The following ATP1A3 variants were observed in gnomAD, a reference collection of about 807,000 sequenced individuals.
ATP1A3 encodes the protein ATPase Na+/K+ transporting subunit alpha 3, also known as sodium/potassium-transporting ATPase subunit alpha-3.
A neutral mutation model predicts 108.8 loss-of-function variants in ATP1A3; 12 were observed. The observed-to-expected ratio is 0.11, with a 90% confidence interval of 0.07 to 0.18. The LOEUF (loss-of-function observed/expected upper bound fraction) is 0.18, where lower values mean the gene tolerates loss of function less well. Ranked by LOEUF, ATP1A3 falls within the 10% of genes least tolerant of loss-of-function variation. ATP1A3 has a pLI of 1.00. For synonymous variants in ATP1A3, 539 were observed against 564.5 expected (o/e 0.95, Z 0.64); for missense variants, 498 against 1,387.7 (o/e 0.36, Z 10.19).
intron 15 of ATP1A3, 133 bp from the exon 16 acceptor site, chr19:41,975,930 C>T (rs980225682): frequency 5.7e-5 from 72 of 1,262,372 alleles, no homozygotes; most frequent in Non-Finnish European, 7.5e-5. Flanking sequence ...CTCCTCTTCC[C>T]CTCAGACCTA....
chr19:41,970,145 G>A (rs781852431), intron 18 of ATP1A3, 40 bp downstream of exon 18: 63 of 1,614,018 alleles, frequency 3.9e-5, no homozygotes, highest in South Asian at 3.1e-4. Context: ...CTCTAGGCCC[G>A]GCACTGGGTG....
chr19:41,989,493 G>A (rs1555866645), intron 1 of ATP1A3, among the ~76,000 whole-genome samples: 1 of 151,860 alleles, frequency 6.6e-6, no homozygotes, highest in Non-Finnish European at 1.5e-5. Flanking sequence ...TCATTTTTTT[G>A]TATTTTTAGT....
At position 41,984,208 on chromosome 19, in the gene ATP1A3, A is replaced by ATTATT. The variant is rs1357016354; in HGVS notation, c.993+705_993+709dup. 5.3e-5 allele frequency: 8 copies of ATTATT among 151,938 alleles called. No homozygotes were observed. In the East Asian group the frequency reaches 5.8e-4, roughly 11 times the overall value. The allele number at this position is 151,938 out of a possible 1,614,324, so 9.4% of individuals were successfully genotyped here. A position where few individuals can be genotyped will look rare whatever the true frequency, so the allele number is the denominator to read the frequency against. On this transcript the variant is annotated intron_variant, in intron 8 of 22. Transcript: ENST00000648268. ...AGGCGTGAGCCACTGCGCCAGGCTTATTATTTTATTTTATTTATTTATTTA... is the reference window on the plus strand; with the variant it reads ...AGGCGTGAGCCACTGCGCCAGGCTTATTATTTTATTTTATTTTATTTATTTATTTA...
chr19:41,993,780 C>T, intron 1 of ATP1A3: 1 of 615,330 alleles, frequency 1.6e-6, no homozygotes, highest in South Asian at 2.0e-5. Context: ...CTCTCATACG[C>T]ACATGCAACT....
At chr19:41,980,930 T>C (rs2075224325) in intron 11 of ATP1A3, among the ~76,000 whole-genome samples, 1 of 150,768 alleles carries the variant, frequency 6.6e-6, no homozygotes, top group South Asian at 2.1e-4. Context: ...AAAAGTTTGC[T>C]GAATAATTTA....
chr19:41,987,846 GA>G, intron 4 of ATP1A3, 89 bp downstream of exon 4: 1 of 1,500,894 alleles, frequency 6.7e-7, no homozygotes, highest in South Asian at 1.1e-5. Context: ...AGTGGGCTGT[GA>G]AAAGCTTAGA....
intron 16 of ATP1A3, among the ~76,000 whole-genome samples, chr19:41,975,398 G>A (rs2075155184): frequency 6.6e-6 from 1 of 152,194 alleles, no homozygotes; most frequent in South Asian, 2.1e-4. Flanking sequence ...ACCAGATGGG[G>A]CCTGGGCTGG....
At chr19:41,977,826 T>G in intron 14 of ATP1A3, 110 bp downstream of exon 14, 1 of 1,491,840 alleles carries the variant, frequency 6.7e-7, no homozygotes, top group Non-Finnish European at 9.0e-7. Flanking sequence ...CATGGAGGAG[T>G]CCCAGAAAGA....
rs919390 is a variant in ATP1A3, at chr19:41,966,898, G to T, written c.*39C>A. On this transcript the variant is annotated 3_prime_UTR_variant, in exon 23 of 23. Transcript: ENST00000648268. Reference sequence around the variant, plus strand: ...ACTGACAGGGGCGGTCCTGGGCCTGGGGGACGGGGAAGAGATGGGCGATGT... The same window carrying T: ...ACTGACAGGGGCGGTCCTGGGCCTGTGGGACGGGGAAGAGATGGGCGATGT... 12 of 1,550,420 alleles carry T rather than the reference G, an allele frequency of 7.7e-6. No individual in the cohort carries two copies. The highest frequency in any genetic ancestry group is 7.1e-5 in the South Asian group (6 of 84,044).
At chr19:41,992,593 C>T (rs1362992032) in intron 1 of ATP1A3, among the ~76,000 whole-genome samples, 3 of 152,006 alleles carry the variant, frequency 2.0e-5, no homozygotes, top group Non-Finnish European at 2.9e-5. Context: ...CTGTGGTTGC[C>T]GCTAGATAGG....
rs188844653 is a variant in ATP1A3 at position 41,991,501 on chromosome 19, G to A, written c.6+2570C>T. ...GGTGGTCTCAGCTTTGCCCGATGGG[G>A]TAGACCCAGGATGGAGAGACATGGA... On this transcript the variant is annotated intron_variant, in intron 1 of 22. Transcript: ENST00000648268. Among the ~76,000 whole-genome samples the A allele has an allele frequency of 3.9e-5, 6 of 152,296 alleles. No individual in the cohort carries two copies. In the East Asian group the frequency reaches 9.6e-4, roughly 24 times the overall value.
rs555595805 is a variant in ATP1A3 at position 41,978,421 on chromosome 19, C to T, written c.1631-95G>A. The T allele has an allele frequency of 5.8e-5, 87 of 1,500,948 alleles. No homozygotes were observed. The African/African-American group carries it at 9.7e-4, about 17-fold the overall frequency. The allele number at this position is 1,500,948 out of a possible 1,614,324, so 93.0% of individuals were successfully genotyped here. On this transcript the variant is annotated intron_variant, in intron 12 of 22. Coordinates refer to ENST00000648268, the MANE Select transcript of ATP1A3 (RefSeq NM_152296.5). This position sits in a 1 kb window ranked among gnomAD's most constrained non-coding sequence, Gnocchi z 8.3. ...CTGCATCGCCCGCATTCCATCTCCC[C>T]ATCAGCAAGACGGCCAGTCAGCATT...
intron 15 of ATP1A3, 84 bp from the exon 16 acceptor site, chr19:41,975,881 C>T (rs1472911953): frequency 2.0e-5 from 31 of 1,566,044 alleles, no homozygotes; most frequent in Non-Finnish European, 2.5e-5. Flanking sequence ...AGGACCCCAG[C>T]CCCCTCCTCC....
intron 1 of ATP1A3, chr19:41,993,411 C>T: frequency 6.5e-7 from 1 of 1,535,748 alleles, no homozygotes; most frequent in Non-Finnish European, 8.7e-7. Context: ...TCCTGTTCCT[C>T]TCCTCCTCCC....
Position 41,985,990 on chromosome 19 carries a change from C to T in ATP1A3, c.480G>A (p.Leu160=). The change falls in exon 6 of 23, where the codon CTG becomes CTA. Residue 160 remains leucine (L), a synonymous_variant. Transcript: ENST00000648268. This position sits in a 1 kb window ranked among gnomAD's most constrained non-coding sequence, Gnocchi z 8.2. ...SFKNMVPQQA[L]VIREGEKMQV... ...GCATCTTCTCACCTTCCCGGATCAC[C>T]AGGGCTTGCTGAGGTGGGATGGAGT... The T allele has an allele frequency of 6.2e-7, 1 of 1,614,142 alleles. No homozygotes were observed. The highest frequency in any genetic ancestry group is 8.5e-7 in the Non-Finnish European group (1 of 1,180,012).
rs565676966 is a variant in ATP1A3 at position 41,987,922 on chromosome 19, G to A, written c.357+14C>T. 1.2e-6 allele frequency: 2 copies of A among 1,612,816 alleles called. No individual in the cohort carries two copies. The highest frequency in any genetic ancestry group is 1.7e-5 in the Admixed American group (1 of 60,016). ...TGTGCAGAGCCTTGCACAGGGCAGG[G>A]TCCAGGCACTCACGTTGTCACCAGA... On this transcript the variant is annotated intron_variant, in intron 4 of 22. Transcript: ENST00000648268.
chr19:41,977,929 G>T lies in ATP1A3; in HGVS notation c.1943+7C>A. The stretch of plus-strand genomic sequence containing the variant: ...GTCCAGGGCCCTGGCTGGGATGGGT[G>T]GCTCACCGGGGGTTAACCTGGCTGA... On this transcript the variant is annotated splice_region_variant and intron_variant, in intron 14 of 22. Transcript: ENST00000648268. 1.2e-6 allele frequency: 2 copies of T among 1,614,092 alleles called. No individual in the cohort carries two copies. Among genetic ancestry groups the T allele is most frequent in the South Asian group, 2.2e-5 (2 of 91,082 alleles).
intron 4 of ATP1A3, 106 bp from the exon 5 acceptor site, chr19:41,986,335 G>A: frequency 9.4e-7 from 1 of 1,061,890 alleles, no homozygotes; most frequent in Non-Finnish European, 1.4e-6. Context: ...GTGGGGGTCT[G>A]TATTTGTGTG....
chr19:41,990,546 CAT>C (rs547591913), intron 1 of ATP1A3, among the ~76,000 whole-genome samples: 36 of 148,014 alleles, frequency 2.4e-4, no homozygotes, highest in African/African-American at 8.8e-4. Context: ...CCTCCTTCCC[CAT>C]ATATCTCTCA....
Sources: gnomAD v4.1 joint callset for allele counts (sites outside exome capture counted in the v4.1 genomes callset) on GRCh38, gnomAD v4.1.1 for gene constraint, Gnocchi (gnomAD v3.1) non-coding constraint, MANE v1.5 for transcripts, NCBI Gene and HGNC (gene_info 2026-07-23, HGNC 2026-07-21) for gene names.